The following WDR11 variants were observed in gnomAD, a reference collection of about 807,000 sequenced individuals.
WDR11 encodes the protein WD repeat-containing protein 11.
A neutral mutation model predicts 151.2 loss-of-function variants in WDR11; 83 were observed. The ratio of observed to expected loss-of-function variants is 0.55; its 90% CI spans 0.46 to 0.66. The LOEUF (loss-of-function observed/expected upper bound fraction) is 0.66, where lower values mean the gene tolerates loss of function less well. Ranked by LOEUF, WDR11 falls within the 30% of genes least tolerant of loss-of-function variation. The pLI is 0.00. For missense variants in WDR11, 1,301 were observed against 1,480.9 expected, an observed-to-expected ratio of 0.88 and a Z score of 1.99; for synonymous variants, 484 against 533.1, an observed-to-expected ratio of 0.91 and a Z score of 1.27.
intron 23 of WDR11, among the ~76,000 whole-genome samples, chr10:120,903,772 C>A (rs1847928649): frequency 6.6e-6 from 1 of 152,148 alleles, no homozygotes; most frequent in South Asian, 2.1e-4. Flanking sequence ...TCTTTAACCT[C>A]CTGCAGAATC....
intron 10 of WDR11, 119 bp from the exon 11 acceptor site, chr10:120,873,720 T>C (rs534925845): frequency 1.1e-5 from 8 of 741,384 alleles, no homozygotes; most frequent in Non-Finnish European, 2.0e-5. Flanking sequence ...ACACATAGTT[T>C]GGGTTTCTTT....
At chr10:120,864,346 A>T (rs2133742870) in intron 5 of WDR11, among the ~76,000 whole-genome samples, 1 of 152,350 alleles carries the variant, frequency 6.6e-6, no homozygotes, top group East Asian at 1.9e-4. Context: ...TAAAATGAAA[A>T]TAGTACATAA....
chr10:120,853,467 A>G (rs932138726), intron 2 of WDR11, among the ~76,000 whole-genome samples: 1 of 151,988 alleles, frequency 6.6e-6, no homozygotes, highest in Non-Finnish European at 1.5e-5. Context: ...GGGTTTCACC[A>G]TGTTAGCCAG....
chr10:120,886,822 C>T lies in WDR11; in HGVS notation c.2107C>T (p.Arg703Trp), dbSNP rs766126816. 6 of 1,613,874 alleles carry T rather than the reference C, an allele frequency of 3.7e-6. No individual in the cohort carries two copies. The highest frequency in any genetic ancestry group is 3.3e-5 in the South Asian group (3 of 91,066). ...VEGNSVKDSARIPPDGSMGSI... is the reference protein window; with the variant it reads ...VEGNSVKDSAWIPPDGSMGSI... ...AGGAAACTCAGTAAAAGACAGTGCT[C>T]GGATTCCACCAGATGTGAGTACAAC... The change falls in exon 16 of 29, where the codon CGG (arginine) becomes TGG (tryptophan). Residue 703 changes from arginine to tryptophan, a missense_variant. Physicochemically the swap from Arg to Trp is moderately radical, Grantham distance 101. Around this residue, in one of 3 missense-constraint regions of WDR11, gnomAD observed 589 missense variants for 670.6 expected, o/e 0.88. Coordinates refer to ENST00000263461, the MANE Select transcript of WDR11 (RefSeq NM_018117.12).
chr10:120,903,540 G>A (rs1313095817), intron 23 of WDR11, among the ~76,000 whole-genome samples: 2 of 146,272 alleles, frequency 1.4e-5, no homozygotes, highest in African/African-American at 5.1e-5. Flanking sequence ...AAAGAAAGAA[G>A]CCCTCGGTAC....
Position 120,885,849 on chromosome 10 carries a change from A to G in WDR11, c.1884A>G (p.Arg628=). ...WSPSHNLKSL[R]KKQLATREAM... is the part of the protein sequence containing the mutation. ...CATCTCACAACTTGAAGAGCCTGAG[A>G]AAGAAGCAACTTGCAACTCGAGAGG... is the stretch of plus-strand genomic sequence containing the variant. Residue 628 remains arginine (R), a synonymous_variant, in exon 15 of 29, where the codon AGA becomes AGG. Coordinates refer to ENST00000263461, the MANE Select transcript of WDR11 (RefSeq NM_018117.12). 1 of 1,613,854 alleles carries G rather than the reference A, an allele frequency of 6.2e-7. No homozygotes were observed. The highest frequency in any genetic ancestry group is 2.2e-5 in the East Asian group (1 of 44,862).
intron 24 of WDR11, 87 bp from the exon 25 acceptor site, chr10:120,904,559 T>G: frequency 6.6e-7 from 1 of 1,523,786 alleles, no homozygotes; most frequent in South Asian, 1.2e-5. Flanking sequence ...AATGAGTGTT[T>G]TCCTTTAGTT....
Position 120,866,651 on chromosome 10 carries a change from C to G in WDR11, c.1077C>G (p.Phe359Leu). Residue 359 changes from phenylalanine (F) to leucine (L), a missense_variant, in exon 8 of 29, where the codon TTC becomes TTG. Physicochemically the swap from Phe to Leu is conservative, Grantham distance 22 (BLOSUM62 0). Around this residue, in one of 3 missense-constraint regions of WDR11, gnomAD observed 692 missense variants for 762.5 expected, o/e 0.91. Coordinates refer to ENST00000263461, the MANE Select transcript of WDR11 (RefSeq NM_018117.12). ...GGGTGACAAAAACCGTCCGTCCCTT[C>G]AGTATGGTGTGCTGTCCTGTCAATG... ...AIRVTKTVRPFSMVCCPVNEN... is the reference protein window; with the variant it reads ...AIRVTKTVRPLSMVCCPVNEN... The G allele has an allele frequency of 6.2e-7, 1 of 1,614,186 alleles. No homozygotes were observed.
intron 3 of WDR11, among the ~76,000 whole-genome samples, chr10:120,859,831 T>G (rs967749632): frequency 6.6e-6 from 1 of 152,116 alleles, no homozygotes; most frequent in African/African-American, 2.4e-5. Context: ...AAGTAATGAT[T>G]AGGGCAAATT....
chr10:120,906,304 G>C (rs756419785), intron 27 of WDR11: 40 of 1,305,388 alleles, frequency 3.1e-5, no homozygotes, highest in Non-Finnish European at 3.7e-5. Context: ...GGTCCATTCA[G>C]CTTTGACTAG....
At chr10:120,876,701 C>T (rs1846804629) in intron 11 of WDR11, among the ~76,000 whole-genome samples, 1 of 152,176 alleles carries the variant, frequency 6.6e-6, no homozygotes, top group South Asian at 2.1e-4. Flanking sequence ...ACTAACCAAT[C>T]GAAACTCTCC....
chr10:120,905,380 A>G lies in WDR11; in HGVS notation c.3255A>G (p.Thr1085=). 4 of 1,614,218 alleles carry G rather than the reference A, an allele frequency of 2.5e-6. No individual in the cohort carries two copies. Among genetic ancestry groups the G allele is most frequent in the South Asian group, 1.1e-5 (1 of 91,086 alleles). ...CAGACGCCTGCCGCTACCTGCAGAC[A>G]TACGGCGAGTGGAATCGGGCTGCAT... ...KAADACRYLQ[T]YGEWNRAAWL... is the part of the protein sequence containing the mutation. The change falls in exon 26 of 29, where the codon ACA becomes ACG. Residue 1085 remains threonine, a synonymous_variant. Coordinates refer to ENST00000263461, the MANE Select transcript of WDR11 (RefSeq NM_018117.12).
rs1025203250 is a variant in WDR11 at position 120,874,044 on chromosome 10, T to C, written c.1556+121T>C. 4 of 704,430 alleles carry C rather than the reference T, an allele frequency of 5.7e-6. No homozygotes were observed. The African/African-American group carries it at 7.0e-5, about 12-fold the overall frequency. The allele number at this position is 704,430 out of a possible 1,614,324, so 43.6% of individuals were successfully genotyped here. On this transcript the variant is annotated intron_variant, in intron 11 of 28. Coordinates refer to ENST00000263461, the MANE Select transcript of WDR11 (RefSeq NM_018117.12). The stretch of plus-strand genomic sequence containing the variant: ...GTGGTGATTATTTGAAAAGTTTGAA[T>C]AATATTCATGTCCAACTAATGGCTA...
intron 19 of WDR11, among the ~76,000 whole-genome samples, chr10:120,894,210 A>G (rs1847524890): frequency 6.6e-6 from 1 of 152,078 alleles, no homozygotes; most frequent in Non-Finnish European, 1.5e-5. Flanking sequence ...TAAGGAAGGG[A>G]TCCAGTTTCA....
In WDR11 at chr10:120,899,786, A is replaced by G. The variant is rs555714052; in HGVS notation, c.2516-243A>G. The G allele has an allele frequency of 1.7e-5, 9 of 526,368 alleles. No individual in the cohort carries two copies. The South Asian group carries it at 1.8e-4, about 10-fold the overall frequency. The allele number at this position is 526,368 out of a possible 1,614,324, so 32.6% of individuals were successfully genotyped here. The stretch of plus-strand genomic sequence containing the variant: ...TGACAGAGCGAGGCTTTGTCTCAAA[A>G]AAAAAATAAAATAAAAAATCAAAAA... On this transcript the variant is annotated intron_variant, in intron 19 of 28. Transcript: ENST00000263461.
In WDR11 at chr10:120,865,670, A is replaced by G. The variant is rs1846287833; in HGVS notation, c.920A>G (p.His307Arg). The G allele has an allele frequency of 3.1e-6, 5 of 1,611,106 alleles. No homozygotes were observed. The highest frequency in any genetic ancestry group is 2.2e-5 in the East Asian group (1 of 44,726). Residue 307 changes from histidine (H) to arginine (R), a missense_variant, in exon 7 of 29, where the codon CAT becomes CGT. Around this residue, in one of 3 missense-constraint regions of WDR11, gnomAD observed 692 missense variants for 762.5 expected, o/e 0.91. Coordinates refer to ENST00000263461, the MANE Select transcript of WDR11 (RefSeq NM_018117.12). ...CAGCGTGATGGTTTATTTTGTCTAC[A>G]TGAAAATGGTTGTATAACTTTACGT... ...CFQRDGLFCLHENGCITLRVR... is the reference protein window; with the variant it reads ...CFQRDGLFCLRENGCITLRVR...
chr10:120,888,928 C>A, intron 16 of WDR11, 150 bp from the exon 17 acceptor site: 3 of 610,628 alleles, frequency 4.9e-6, no homozygotes, highest in Non-Finnish European at 2.9e-6. Flanking sequence ...CAATGTAGCT[C>A]TTTGTTAGTG....
At position 120,886,948 on chromosome 10, in the gene WDR11, C is replaced by T. The variant is rs72842615; in HGVS notation, c.2121+112C>T. The T allele has an allele frequency of 5.6e-3, 6,517 of 1,153,580 alleles. 49 individuals are homozygous for T. Among genetic ancestry groups the T allele is most frequent in the South Asian group, 0.013 (1,003 of 75,892 alleles). The allele number at this position is 1,153,580 out of a possible 1,614,324, so 71.5% of individuals were successfully genotyped here. A position where few individuals can be genotyped will look rare whatever the true frequency, so the allele number is the denominator to read the frequency against. On this transcript the variant is annotated intron_variant, in intron 16 of 28. Transcript: ENST00000263461. ...TTCAGAAAAGCCTAATGTAAATAAA[C>T]TTTATTTAAGGAGATATTATCGATT...
chr10:120,901,594 G>C (rs1200491579), intron 21 of WDR11, among the ~76,000 whole-genome samples: 2 of 152,124 alleles, frequency 1.3e-5, no homozygotes. Context: ...AAAAAATATG[G>C]GTCTACAAGG....
Sources: gnomAD v4.1 joint callset for allele counts (sites outside exome capture counted in the v4.1 genomes callset) on GRCh38, gnomAD v4.1.1 for gene constraint, gnomAD v4.1.1 regional missense constraint, MANE v1.5 for transcripts, NCBI Gene and HGNC (gene_info 2026-07-23, HGNC 2026-07-21) for gene names.